Variants in FMNL2 observed in about 807,000 individuals in gnomAD.
FMNL2 encodes the protein formin like 2.
In FMNL2, 51 loss-of-function variants were observed where a neutral mutation model predicts 130.2. The ratio of observed to expected loss-of-function variants is 0.39; its 90% CI spans 0.31 to 0.49. The LOEUF is 0.49. Among genes scored for constraint, FMNL2 ranks in the 20% least tolerant of loss-of-function variants. The probability of loss-of-function intolerance (pLI) is 0.85; values close to 1 mark genes in which losing one functional copy is unlikely to be tolerated. For missense variants in FMNL2, 977 were observed against 1,316.2 expected, an observed-to-expected ratio of 0.74 and a Z score of 3.99; for synonymous variants, 465 against 467.1, an observed-to-expected ratio of 1.00 and a Z score of 0.06.
chr2:152,548,840 C>T (rs1169052187), intron 3 of FMNL2, among the ~76,000 whole-genome samples, 181 bp from the exon 4 acceptor site: 1 of 152,030 alleles, frequency 6.6e-6, no homozygotes, highest in East Asian at 1.9e-4. Flanking sequence ...TTTTTGTAGT[C>T]CTTTCTCAGT....
intron 1 of FMNL2, among the ~76,000 whole-genome samples, chr2:152,345,757 T>C (rs554903412): frequency 1.4e-4 from 21 of 152,328 alleles, no homozygotes; most frequent in African/African-American, 5.0e-4. Context: ...ATAAAGTCAC[T>C]CTACACCAAC....
chr2:152,628,099 G>C (rs962391544), intron 17 of FMNL2, among the ~76,000 whole-genome samples, 200 bp from the exon 18 acceptor site: 1 of 152,216 alleles, frequency 6.6e-6, no homozygotes, highest in African/African-American at 2.4e-5. Flanking sequence ...AACCAGTTAA[G>C]TTACCTGAGG....
chr2:152,504,860 C>T (rs1321662430), intron 1 of FMNL2, among the ~76,000 whole-genome samples: 1 of 152,076 alleles, frequency 6.6e-6, no homozygotes, highest in Non-Finnish European at 1.5e-5. Flanking sequence ...TCTGAAGACA[C>T]TCAGAGTTCT....
intron 1 of FMNL2, among the ~76,000 whole-genome samples, 179 bp from the exon 2 acceptor site, chr2:152,521,761 CTCA>C (rs1453295035): frequency 6.6e-6 from 1 of 152,144 alleles, no homozygotes; most frequent in Admixed American, 6.5e-5. Context: ...TTTCCCGCCT[CTCA>C]TCTAACCGAT....
chr2:152,522,611 A>C (rs905975234), intron 2 of FMNL2, among the ~76,000 whole-genome samples: 2 of 152,100 alleles, frequency 1.3e-5, no homozygotes, highest in Non-Finnish European at 2.9e-5. Context: ...GTCTCATGAG[A>C]TCTGATGGTT....
rs188680843 is a variant in FMNL2, at chr2:152,367,647, C to T, written c.117+31927C>T. ...GTGTGAGGTCATCTTGTCTCGCTTC[C>T]TCTCCACCAGGTTAAAACCACACCT... On this transcript the variant is annotated intron_variant, in intron 1 of 25. Coordinates refer to ENST00000288670, the MANE Select transcript of FMNL2 (RefSeq NM_052905.4). Among the ~76,000 whole-genome samples, 304 of 152,280 alleles carry T rather than the reference C, an allele frequency of 2.0e-3. 1 individual carries two copies. Among genetic ancestry groups the T allele is most frequent in the Admixed American group, 3.5e-3 (53 of 15,298 alleles).
chr2:152,439,647 A>G (rs1334552161), intron 1 of FMNL2, among the ~76,000 whole-genome samples: 4 of 151,862 alleles, frequency 2.6e-5, no homozygotes, highest in Non-Finnish European at 5.9e-5. Context: ...GCCTGTTGCA[A>G]TACTTCCACG....
At chr2:152,578,692 T>C (rs996868463) in intron 7 of FMNL2, 196 bp from the exon 8 acceptor site, 3 of 402,596 alleles carry the variant, frequency 7.5e-6, no homozygotes, top group Non-Finnish European at 1.3e-5. Flanking sequence ...GCACAAATCA[T>C]TGCATCTGGC....
intron 9 of FMNL2, among the ~76,000 whole-genome samples, chr2:152,588,429 A>G (rs1190576015): frequency 1.3e-5 from 2 of 152,140 alleles, no homozygotes; most frequent in East Asian, 3.9e-4. Flanking sequence ...TCCCCTCCTG[A>G]AGTCCCTTAA....
chr2:152,397,614 T>C (rs1579568055), intron 1 of FMNL2, among the ~76,000 whole-genome samples: 1 of 152,206 alleles, frequency 6.6e-6, no homozygotes, highest in African/African-American at 2.4e-5. Flanking sequence ...TCTTTCTCCT[T>C]CTCTCCTCCC....
At chr2:152,587,786 G>A (rs1697167766) in intron 9 of FMNL2, among the ~76,000 whole-genome samples, 1 of 152,200 alleles carries the variant, frequency 6.6e-6, no homozygotes. Flanking sequence ...CTTTCTATGT[G>A]TCAGAAACAT....
At chr2:152,596,215 G>A (rs560554553) in intron 9 of FMNL2, among the ~76,000 whole-genome samples, 2 of 151,866 alleles carry the variant, frequency 1.3e-5, no homozygotes, top group African/African-American at 4.8e-5. Flanking sequence ...CGCCCACCTC[G>A]GCCTCCCGCA....
chr2:152,629,429 C>T (rs569310734), intron 18 of FMNL2, among the ~76,000 whole-genome samples: 1 of 152,264 alleles, frequency 6.6e-6, no homozygotes, highest in South Asian at 2.1e-4. Context: ...TCCTATGTTA[C>T]TTGCTATTGT....
rs146744436 is a variant in FMNL2 at position 152,420,864 on chromosome 2, T to C, written c.117+85144T>C. Among the ~76,000 whole-genome samples the C allele has an allele frequency of 2.2e-4, 34 of 152,250 alleles. 1 individual carries two copies. The highest frequency in any genetic ancestry group is 7.5e-4 in the African/African-American group (31 of 41,556). ...ACTGAGTTCCACTCTGAATCCCAGT[T>C]GTAGAAGCATCATGAAATTGAGCAC... On this transcript the variant is annotated intron_variant, in intron 1 of 25. Coordinates refer to ENST00000288670, the MANE Select transcript of FMNL2 (RefSeq NM_052905.4).
intron 1 of FMNL2, among the ~76,000 whole-genome samples, chr2:152,441,826 C>T (rs1290907269): frequency 8.1e-6 from 1 of 123,088 alleles, no homozygotes; most frequent in Non-Finnish European, 1.6e-5. Flanking sequence ...CAGAGCGACA[C>T]TCCGTCTCAA....
chr2:152,581,979 A>G (rs991837641), intron 9 of FMNL2, among the ~76,000 whole-genome samples: 1 of 152,236 alleles, frequency 6.6e-6, no homozygotes, highest in Non-Finnish European at 1.5e-5. Context: ...CTCTGATAGT[A>G]TTTATTGAGA....
In FMNL2 at chr2:152,601,457, C is replaced by T. The variant is rs549445581; in HGVS notation, c.877-5882C>T. ...CTGGGATTACAGGCGCCTGCCACGACGCCCAGCTAATTTTTGCATTTTTAG... is the reference window on the plus strand; with the variant it reads ...CTGGGATTACAGGCGCCTGCCACGATGCCCAGCTAATTTTTGCATTTTTAG... On this transcript the variant is annotated intron_variant, in intron 9 of 25. Transcript: ENST00000288670. Among the ~76,000 whole-genome samples the T allele has an allele frequency of 1.5e-3, 219 of 150,130 alleles. 1 individual carries two copies. Among genetic ancestry groups the T allele is most frequent in the African/African-American group, 5.2e-3 (211 of 40,902 alleles).
intron 1 of FMNL2, among the ~76,000 whole-genome samples, chr2:152,356,736 G>C (rs1224637072): frequency 7.4e-5 from 2 of 27,022 alleles, no homozygotes; most frequent in Non-Finnish European, 1.4e-4. Flanking sequence ...TTGCACTTTT[G>C]TGCTTTTTTT....
At chr2:152,373,758 A>G (rs895054520) in intron 1 of FMNL2, among the ~76,000 whole-genome samples, 4 of 151,602 alleles carry the variant, frequency 2.6e-5, no homozygotes, top group African/African-American at 9.7e-5. Flanking sequence ...GCTTTGTTGA[A>G]TCCGCAGATG....
Sources: allele counts gnomAD v4.1 joint callset (sites outside exome capture counted in the v4.1 genomes callset), GRCh38; gene constraint gnomAD v4.1.1; transcripts MANE v1.5; gene names NCBI Gene and HGNC (gene_info 2026-07-23, HGNC 2026-07-21).